Variants in SMYD3 observed in about 807,000 individuals in gnomAD.
The protein encoded by SMYD3 is histone-lysine N-methyltransferase SMYD3.
SMYD3 carries 36 observed loss-of-function variants against 57.7 expected under a neutral mutation model. The ratio of observed to expected loss-of-function variants is 0.62; its 90% CI spans 0.48 to 0.82. The LOEUF is 0.82. SMYD3 is among the 40% of genes least tolerant of loss of function. The pLI, the probability that SMYD3 is intolerant of heterozygous loss-of-function variation, is 0.00. For missense variants in SMYD3, 515 were observed against 538.8 expected (o/e 0.96, Z 0.44); for synonymous variants, 211 against 195.0 (o/e 1.08, Z -0.68).
intron 5 of SMYD3, among the ~76,000 whole-genome samples, chr1:245,954,083 C>G (rs1036233690): frequency 2.6e-5 from 4 of 152,224 alleles, no homozygotes; most frequent in African/African-American, 9.6e-5. Flanking sequence ...TACTTTTCCA[C>G]ATTAACTCAC....
At chr1:246,269,543 C>CTTTTTTTTTTTT (rs570972296) in intron 5 of SMYD3, among the ~76,000 whole-genome samples, 6 of 135,208 alleles carry the variant, frequency 4.4e-5, no homozygotes, top group East Asian at 4.4e-4. Context: ...CTTTTTTTTT[C>CTTTTTTTTTTTT]TTTTTTTTTT....
intron 10 of SMYD3, among the ~76,000 whole-genome samples, chr1:245,765,602 T>A (rs2046053960): frequency 6.6e-6 from 1 of 152,080 alleles, no homozygotes; most frequent in Non-Finnish European, 1.5e-5. Context: ...TGACTGATGG[T>A]TGGTTGGACT....
rs1411485406 is a variant in SMYD3 at position 245,951,385 on chromosome 1, C to T, written c.532-21448G>A. ...GAGATCGAGACCATCCTGGCTAACA[C>T]GGTGAAACCCCATCTCTACTAAAAA... On this transcript the variant is annotated intron_variant, in intron 5 of 11. Coordinates refer to ENST00000490107, the MANE Select transcript of SMYD3 (RefSeq NM_001167740.2). Among the ~76,000 whole-genome samples, 3 of 139,884 alleles carry T rather than the reference C, an allele frequency of 2.1e-5. 1 individual carries two copies. The highest frequency in any genetic ancestry group is 5.8e-5 in the African/African-American group (2 of 34,466). 91.8% of individuals were successfully genotyped at this position (139,884 alleles called of 152,430 possible). A position where few individuals can be genotyped will look rare whatever the true frequency, so the allele number is the denominator to read the frequency against.
chr1:246,290,089 A>T (rs1474689231), intron 5 of SMYD3, among the ~76,000 whole-genome samples: 1 of 152,208 alleles, frequency 6.6e-6, no homozygotes, highest in African/African-American at 2.4e-5. Flanking sequence ...CAAATATATG[A>T]TGACAGGAGA....
chr1:245,892,571 C>T (rs894634423), intron 8 of SMYD3, among the ~76,000 whole-genome samples: 7 of 152,202 alleles, frequency 4.6e-5, no homozygotes, highest in African/African-American at 1.7e-4. Context: ...TGGCCAGTTG[C>T]TGATGCTCCG....
At chr1:246,215,523 A>G (rs1029749266) in intron 5 of SMYD3, among the ~76,000 whole-genome samples, 6 of 152,108 alleles carry the variant, frequency 3.9e-5, no homozygotes, top group African/African-American at 1.2e-4. Flanking sequence ...CTTAAGCCCT[A>G]AAGAAAGTTA....
At chr1:246,107,096 G>A (rs539433369) in intron 5 of SMYD3, among the ~76,000 whole-genome samples, 6 of 141,666 alleles carry the variant, frequency 4.2e-5, no homozygotes, top group African/African-American at 1.4e-4. Context: ...TCAGGAGATC[G>A]AGACCACGGT....
intron 10 of SMYD3, among the ~76,000 whole-genome samples, chr1:245,815,790 C>A (rs1331573881): frequency 6.6e-6 from 1 of 152,248 alleles, no homozygotes; most frequent in African/African-American, 2.4e-5. Context: ...ATGAAAATCG[C>A]TGTTTTTACA....
intron 5 of SMYD3, among the ~76,000 whole-genome samples, chr1:246,155,760 A>G (rs146408789): frequency 0.034 from 5,110 of 152,234 alleles, 294 homozygotes; most frequent in African/African-American, 0.12. Context: ...CAGGTGGATC[A>G]CTTGAGGTCA....
chr1:246,435,105 C>T (rs1344966663), intron 1 of SMYD3, among the ~76,000 whole-genome samples: 2 of 152,120 alleles, frequency 1.3e-5, no homozygotes, highest in Non-Finnish European at 2.9e-5. Context: ...TAAGTGGGAG[C>T]TAATCACTGG....
intron 8 of SMYD3, among the ~76,000 whole-genome samples, chr1:245,865,043 C>T (rs894057215): frequency 6.6e-6 from 1 of 152,220 alleles, no homozygotes; most frequent in South Asian, 2.1e-4. Flanking sequence ...GCATCTAGCA[C>T]AGTGCCTGGC....
At chr1:245,803,226 G>A (rs1481024729) in intron 10 of SMYD3, among the ~76,000 whole-genome samples, 2 of 152,224 alleles carry the variant, frequency 1.3e-5, no homozygotes, top group Non-Finnish European at 2.9e-5. Context: ...CTTGCCGTAT[G>A]TGCAAGCACT....
intron 1 of SMYD3, among the ~76,000 whole-genome samples, chr1:246,505,011 T>C (rs2068514694): frequency 6.6e-6 from 1 of 152,040 alleles, no homozygotes; most frequent in South Asian, 2.1e-4. Flanking sequence ...AAAATGGGAG[T>C]GTTCAAACAG....
chr1:246,097,683 G>T (rs1413725455), intron 5 of SMYD3, among the ~76,000 whole-genome samples: 1 of 151,680 alleles, frequency 6.6e-6, no homozygotes, highest in Non-Finnish European at 1.5e-5. Context: ...TGCCTGAGAA[G>T]TCACACAATA....
intron 5 of SMYD3, among the ~76,000 whole-genome samples, chr1:246,143,250 A>C (rs1169117233): frequency 1.3e-5 from 2 of 152,150 alleles, no homozygotes; most frequent in Non-Finnish European, 2.9e-5. Context: ...ATCATGCATT[A>C]CTGCAAGAAA....
At chr1:245,772,521 T>G (rs1392363613) in intron 10 of SMYD3, among the ~76,000 whole-genome samples, 1 of 152,044 alleles carries the variant, frequency 6.6e-6, no homozygotes, top group Non-Finnish European at 1.5e-5. Flanking sequence ...TAGTCAGCCA[T>G]GCTTGGTGTT....
At chr1:246,398,455 G>A (rs1558444652) in intron 1 of SMYD3, among the ~76,000 whole-genome samples, 1 of 152,232 alleles carries the variant, frequency 6.6e-6, no homozygotes, top group Non-Finnish European at 1.5e-5. Flanking sequence ...TTTCATAGAT[G>A]AGAATCTATA....
chr1:245,890,614 A>G (rs541871340), intron 8 of SMYD3, among the ~76,000 whole-genome samples: 1 of 152,212 alleles, frequency 6.6e-6, no homozygotes, highest in African/African-American at 2.4e-5. Flanking sequence ...ACCCTCGCAC[A>G]CTATTGTTGG....
At chr1:246,078,488 C>T (rs2060583886) in intron 5 of SMYD3, among the ~76,000 whole-genome samples, 1 of 152,194 alleles carries the variant, frequency 6.6e-6, no homozygotes, top group South Asian at 2.1e-4. Context: ...GCTTCTTCAG[C>T]CGTCTTCTGC....
Sources: gnomAD v4.1 joint callset for allele counts (sites outside exome capture counted in the v4.1 genomes callset) on GRCh38, gnomAD v4.1.1 for gene constraint, MANE v1.5 for transcripts, NCBI Gene and HGNC (gene_info 2026-07-23, HGNC 2026-07-21) for gene names.